Variants in PCDHGA6 observed in about 807,000 individuals in gnomAD.
PCDHGA6 encodes the protein protocadherin gamma-A6.
PCDHGA6 carries 41 observed loss-of-function variants against 60.6 expected under a neutral mutation model. The observed-to-expected ratio is 0.68, with a 90% CI of 0.53 to 0.88. The LOEUF (loss-of-function observed/expected upper bound fraction) is 0.88. PCDHGA6 is among the 40% of genes least tolerant of loss of function. The pLI is 0.00. For missense variants in PCDHGA6, 1,312 were observed against 1,203.0 expected (o/e 1.09, Z -1.34); for synonymous variants, 594 against 524.4 (o/e 1.13, Z -1.81).
At chr5:141,499,136 G>A (rs1488844131) in intron 2 of PCDHGA6, among the ~76,000 whole-genome samples, 1 of 152,100 alleles carries the variant, frequency 6.6e-6, no homozygotes, top group Non-Finnish European at 1.5e-5. Flanking sequence ...CATCCTTTGG[G>A]TGTCTGATCC....
rs2099399818 is a variant in PCDHGA6, at chr5:141,476,845, C to G, written c.2425-17962C>G. 6.2e-7 allele frequency: 1 copy of G among 1,613,794 alleles called. No individual in the cohort carries two copies. Among genetic ancestry groups the G allele is most frequent in the African/African-American group, 1.3e-5 (1 of 75,078 alleles). ...TGGACGCGAATGACAATGCGCCTGTCTTCAACCAGTCCTTGTACCGGGCGC... is the reference window on the plus strand; with the variant it reads ...TGGACGCGAATGACAATGCGCCTGTGTTCAACCAGTCCTTGTACCGGGCGC... On this transcript the variant is annotated intron_variant, in intron 1 of 3. Transcript: ENST00000517434. This position sits in a 1 kb window ranked among gnomAD's most constrained non-coding sequence, Gnocchi z 7.6.
chr5:141,389,524 G>T, intron 1 of PCDHGA6: 1 of 1,613,146 alleles, frequency 6.2e-7, no homozygotes, highest in Non-Finnish European at 8.5e-7. Context: ...GTGAGCCTGC[G>T]CGTGTTAGTG....
chr5:141,476,556 C>G lies in PCDHGA6; in HGVS notation c.2425-18251C>G. On this transcript the variant is annotated intron_variant, in intron 1 of 3. Transcript: ENST00000517434. This position sits in a 1 kb window ranked among gnomAD's most constrained non-coding sequence, Gnocchi z 7.6. ...GAAATGAAATTGGAGATTAGCGAGG[C>G]CGTGGCTCCGGGGACGCGCTTTCCG... The G allele has an allele frequency of 6.2e-7, 1 of 1,614,234 alleles. No homozygotes were observed. The highest frequency in any genetic ancestry group is 8.5e-7 in the Non-Finnish European group (1 of 1,180,036).
At position 141,487,855 on chromosome 5, in the gene PCDHGA6, A is replaced by T; in HGVS notation, c.2425-6952A>T. 1 of 974,210 alleles carries T rather than the reference A, an allele frequency of 1.0e-6. No homozygotes were observed. 60.3% of individuals were successfully genotyped at this position (974,210 alleles called of 1,614,324 possible). A position where few individuals can be genotyped will look rare whatever the true frequency, so the allele number is the denominator to read the frequency against. On this transcript the variant is annotated intron_variant, in intron 1 of 3. Coordinates refer to ENST00000517434, the MANE Select transcript of PCDHGA6 (RefSeq NM_018919.3). This position sits in a 1 kb window ranked among gnomAD's most constrained non-coding sequence, Gnocchi z 5.0. Reference sequence around the variant, plus strand: ...TATATCTGAGTAAGAAATGAAAGTAATTGGTGATCAAGAGCCAGGCTGTTG... The same window carrying T: ...TATATCTGAGTAAGAAATGAAAGTATTTGGTGATCAAGAGCCAGGCTGTTG...
chr5:141,456,824 G>A (rs2098890304), intron 1 of PCDHGA6, among the ~76,000 whole-genome samples: 2 of 152,170 alleles, frequency 1.3e-5, no homozygotes, highest in South Asian at 2.1e-4. Context: ...ATTAGCCATC[G>A]TGGTAGTGGG....
chr5:141,389,645 C>A, intron 1 of PCDHGA6: 1 of 1,612,912 alleles, frequency 6.2e-7, no homozygotes, highest in Non-Finnish European at 8.5e-7. Context: ...ACTTGGTGAC[C>A]AAGGTAGTGG....
In PCDHGA6 at chr5:141,376,425, A is replaced by G; in HGVS notation, c.2342A>G (p.Asn781Ser). 7 of 1,614,182 alleles carry G rather than the reference A, an allele frequency of 4.3e-6. No individual in the cohort carries two copies. Among genetic ancestry groups the G allele is most frequent in the Non-Finnish European group, 4.2e-6 (5 of 1,180,036 alleles). Reference protein sequence around the residue: ...PQPNYADTLINQESYEKSEPL... With the variant: ...PQPNYADTLISQESYEKSEPL... Reference sequence around the variant, plus strand: ...CCCAACTATGCCGACACGCTTATCAACCAGGAGAGCTATGAGAAAAGCGAG... The same window carrying G: ...CCCAACTATGCCGACACGCTTATCAGCCAGGAGAGCTATGAGAAAAGCGAG... The change falls in exon 1 of 4, where the codon AAC (asparagine) becomes AGC (serine). Residue 781 changes from asparagine to serine, a missense_variant. Asn to Ser is a conservative substitution (Grantham distance 46). Transcript: ENST00000517434.
chr5:141,419,043 A>G (rs1561777660), intron 1 of PCDHGA6: 5 of 1,613,958 alleles, frequency 3.1e-6, no homozygotes. Flanking sequence ...TTTAAGATTC[A>G]TTCTTCTTCT....
chr5:141,421,578 T>G, intron 1 of PCDHGA6: 1 of 1,613,886 alleles, frequency 6.2e-7, no homozygotes, highest in Non-Finnish European at 8.5e-7. Flanking sequence ...CCTTGAAGAT[T>G]TACGGAGTGG....
chr5:141,433,365 A>ATCTG, intron 1 of PCDHGA6: 1 of 523,830 alleles, frequency 1.9e-6, no homozygotes, highest in East Asian at 3.1e-5. Context: ...CTGCCTATCT[A>ATCTG]TCTATCTATC....
Position 141,490,748 on chromosome 5 carries a change from C to A in PCDHGA6, c.2425-4059C>A. 3.1e-6 allele frequency: 5 copies of A among 1,614,168 alleles called. No individual in the cohort carries two copies. Among genetic ancestry groups the A allele is most frequent in the Non-Finnish European group, 3.4e-6 (4 of 1,180,006 alleles). ...GGAAATCAGGTTCAGGGAGCCCCAGCCTCCTCCTTTGTGTATGTCAACCCA... is the reference window on the plus strand; with the variant it reads ...GGAAATCAGGTTCAGGGAGCCCCAGACTCCTCCTTTGTGTATGTCAACCCA... On this transcript the variant is annotated intron_variant, in intron 1 of 3. Transcript: ENST00000517434. This position sits in a 1 kb window ranked among gnomAD's most constrained non-coding sequence, Gnocchi z 5.4.
intron 1 of PCDHGA6, chr5:141,421,442 A>G (rs769354611): frequency 1.7e-5 from 27 of 1,613,990 alleles, no homozygotes; most frequent in Non-Finnish European, 2.2e-5. Context: ...TCCAGAGGGA[A>G]GACACAGCTT....
Position 141,491,415 on chromosome 5 carries a change from G to GGGT in PCDHGA6, c.2425-3389_2425-3387dup. 1 of 1,614,126 alleles carries GGGT rather than the reference G, an allele frequency of 6.2e-7. No individual in the cohort carries two copies. Among genetic ancestry groups the GGGT allele is most frequent in the Non-Finnish European group, 8.5e-7 (1 of 1,180,034 alleles). ...TTCAGGGAAACGCAGACGGGGACGG[G>GGGT]GGTGGAGGGCAGTGCTGCAGGCGCC... On this transcript the variant is annotated intron_variant, in intron 1 of 3. Transcript: ENST00000517434. The surrounding 1 kb of genome is among the most constrained non-coding windows in gnomAD (Gnocchi z 6.9).
chr5:141,421,597 AT>A (rs2096587022), intron 1 of PCDHGA6: 1 of 1,613,878 alleles, frequency 6.2e-7, no homozygotes, highest in Non-Finnish European at 8.5e-7. Flanking sequence ...GGAGGTGGAA[AT>A]AATAGATATT....
At position 141,486,811 on chromosome 5, in the gene PCDHGA6, C is replaced by A. The variant is rs2099635196; in HGVS notation, c.2425-7996C>A. On this transcript the variant is annotated intron_variant, in intron 1 of 3. Coordinates refer to ENST00000517434, the MANE Select transcript of PCDHGA6 (RefSeq NM_018919.3). The surrounding 1 kb of genome is among the most constrained non-coding windows in gnomAD (Gnocchi z 5.0). ...GGGATCGGGGCAACCCACCCCTTAG[C>A]AGCACTGTAACAGTTCGTCTATTTG... The A allele has an allele frequency of 1.2e-6, 2 of 1,614,124 alleles. No homozygotes were observed. The highest frequency in any genetic ancestry group is 2.2e-5 in the East Asian group (1 of 44,900).
intron 1 of PCDHGA6, among the ~76,000 whole-genome samples, chr5:141,443,667 C>G (rs62379164): frequency 0.042 from 6,382 of 152,210 alleles, 168 homozygotes; most frequent in Middle Eastern, 0.088. Flanking sequence ...TTTTACTGAA[C>G]TAGTAGTTTA....
chr5:141,398,783 A>G (rs1300541880), intron 1 of PCDHGA6: 4 of 1,613,944 alleles, frequency 2.5e-6, no homozygotes, highest in Non-Finnish European at 3.4e-6. Flanking sequence ...GACGGTGGAC[A>G]TCCACCCCTA....
rs755270981 is a variant in PCDHGA6, at chr5:141,408,462, AGAACC to A, written c.2424+31959_2424+31963del. On this transcript the variant is annotated intron_variant, in intron 1 of 3. Coordinates refer to ENST00000517434, the MANE Select transcript of PCDHGA6 (RefSeq NM_018919.3). Reference sequence around the variant, plus strand: ...GCGGAGAGCGGGGACTTACTTGTGAAGAACCGAATAGACCGTGAGCAAATATGCAA... The same window carrying A: ...GCGGAGAGCGGGGACTTACTTGTGAAGAATAGACCGTGAGCAAATATGCAA... 2.2e-5 allele frequency: 35 copies of A among 1,613,962 alleles called. No homozygotes were observed. The South Asian group carries it at 3.3e-4, about 15-fold the overall frequency.
At chr5:141,456,984 C>T (rs374156327) in intron 1 of PCDHGA6, among the ~76,000 whole-genome samples, 1 of 152,082 alleles carries the variant, frequency 6.6e-6, no homozygotes, top group Admixed American at 6.6e-5. Flanking sequence ...AACAAACAAA[C>T]AAACAAAAAC....
Sources: allele counts gnomAD v4.1 joint callset (sites outside exome capture counted in the v4.1 genomes callset), GRCh38; gene constraint gnomAD v4.1.1; non-coding constraint Gnocchi (gnomAD v3.1); transcripts MANE v1.5; gene names NCBI Gene and HGNC (gene_info 2026-07-23, HGNC 2026-07-21).